The following CTNNA3 variants were observed in gnomAD, a reference collection of about 807,000 sequenced individuals.
CTNNA3 encodes the protein catenin alpha 3.
A neutral mutation model predicts 95.7 loss-of-function variants in CTNNA3; 76 were observed. The observed-to-expected ratio is 0.79, with a 90% CI of 0.66 to 0.96. The LOEUF is 0.96. Ranked by LOEUF, CTNNA3 falls within the 40% of genes least tolerant of loss-of-function variation. The pLI is 0.00. For synonymous variants in CTNNA3, 431 were observed against 374.4 expected (o/e 1.15, Z -1.74); for missense variants, 1,191 against 1,089.8 (o/e 1.09, Z -1.31).
In CTNNA3 at chr10:67,391,196, C is replaced by T. The variant is rs375047631; in HGVS notation, c.579+130646G>A. 2.8e-3 allele frequency among the ~76,000 whole-genome samples: 431 copies of T among 152,208 alleles called. 12 individuals are homozygous for T. The highest frequency in any genetic ancestry group is 0.019 in the Admixed American group (297 of 15,292). ...AAAATCTCCTTAAGCTGATAAGCAA[C>T]TTCAGCAAAGTCTCAGGATACAAAA... On this transcript the variant is annotated intron_variant, in intron 5 of 17. Coordinates refer to ENST00000433211, the MANE Select transcript of CTNNA3 (RefSeq NM_013266.4).
intron 4 of CTNNA3, among the ~76,000 whole-genome samples, chr10:67,526,604 T>C (rs912393915): frequency 6.6e-6 from 1 of 152,200 alleles, no homozygotes; most frequent in Non-Finnish European, 1.5e-5. Context: ...ACTCAGTTGT[T>C]GTGAAATCAG....
chr10:66,274,443 GAAATAAA>G (rs2091349701), intron 13 of CTNNA3, among the ~76,000 whole-genome samples: 1 of 151,948 alleles, frequency 6.6e-6, no homozygotes, highest in African/African-American at 2.4e-5. Context: ...ACATATATGA[GAAATAAA>G]AAATAAAAGA....
chr10:67,234,834 T>G (rs1227857587), intron 5 of CTNNA3, among the ~76,000 whole-genome samples: 1 of 151,200 alleles, frequency 6.6e-6, no homozygotes, highest in South Asian at 2.1e-4. Flanking sequence ...ACAAAATCAA[T>G]GTACAAAAAT....
chr10:66,443,405 C>T (rs1176535925), intron 11 of CTNNA3, among the ~76,000 whole-genome samples: 2 of 152,244 alleles, frequency 1.3e-5, no homozygotes, highest in Middle Eastern at 3.4e-3. Flanking sequence ...GGAGGCGCCC[C>T]CCAGTAGGGG....
chr10:66,818,020 T>C (rs1842157210), intron 7 of CTNNA3, among the ~76,000 whole-genome samples: 1 of 148,532 alleles, frequency 6.7e-6, no homozygotes, highest in South Asian at 2.1e-4. Context: ...ACTATATGAA[T>C]AGAATAATGA....
intron 7 of CTNNA3, among the ~76,000 whole-genome samples, chr10:67,034,394 C>T (rs1486017519): frequency 6.6e-6 from 1 of 152,158 alleles, no homozygotes; most frequent in Non-Finnish European, 1.5e-5. Context: ...TCTGGTTGCC[C>T]TCAAGAAGCT....
At chr10:67,270,339 A>G (rs569375087) in intron 5 of CTNNA3, among the ~76,000 whole-genome samples, 12 of 152,132 alleles carry the variant, frequency 7.9e-5, no homozygotes, top group African/African-American at 1.2e-4. Flanking sequence ...AAAGAAAAAA[A>G]CTTTTCCTTA....
chr10:66,122,091 G>A (rs931471140), intron 13 of CTNNA3, among the ~76,000 whole-genome samples: 1 of 152,040 alleles, frequency 6.6e-6, no homozygotes, highest in Non-Finnish European at 1.5e-5. Flanking sequence ...ATAAAGGCTA[G>A]AATGGAAAAA....
At chr10:66,816,124 G>C (rs1020228813) in intron 7 of CTNNA3, among the ~76,000 whole-genome samples, 25 of 152,048 alleles carry the variant, frequency 1.6e-4, no homozygotes, top group African/African-American at 5.6e-4. Flanking sequence ...CTATTAATTT[G>C]AATTAAATTT....
chr10:67,720,112 T>G (rs189755968), intron 1 of CTNNA3, among the ~76,000 whole-genome samples: 2,559 of 142,234 alleles, frequency 0.018, 53 homozygotes, highest in South Asian at 0.026. Context: ...TATCAGAGAC[T>G]AGGATTGCAA....
At chr10:67,375,066 T>A (rs1339329712) in intron 5 of CTNNA3, among the ~76,000 whole-genome samples, 1 of 152,198 alleles carries the variant, frequency 6.6e-6, no homozygotes, top group African/African-American at 2.4e-5. Context: ...CTATTTATTA[T>A]CCTGCCCAAA....
chr10:66,214,358 T>C (rs2088373353), intron 13 of CTNNA3, among the ~76,000 whole-genome samples: 1 of 152,226 alleles, frequency 6.6e-6, no homozygotes, highest in South Asian at 2.1e-4. Context: ...GCATATATTA[T>C]AATTTTTCAC....
chr10:67,161,338 AAC>A (rs1488670027), intron 7 of CTNNA3, among the ~76,000 whole-genome samples: 11 of 151,868 alleles, frequency 7.2e-5, no homozygotes, highest in Admixed American at 5.2e-4. Context: ...CAAAAATTAA[AAC>A]AGTCTTACGT....
At chr10:66,008,733 T>C (rs1159196876) in intron 15 of CTNNA3, among the ~76,000 whole-genome samples, 1 of 152,230 alleles carries the variant, frequency 6.6e-6, no homozygotes, top group Non-Finnish European at 1.5e-5. Flanking sequence ...TTGCTAATGA[T>C]AATGTCATTA....
At chr10:66,858,694 G>A (rs1210030807) in intron 7 of CTNNA3, among the ~76,000 whole-genome samples, 1 of 151,856 alleles carries the variant, frequency 6.6e-6, no homozygotes. Flanking sequence ...GTTCATAGAG[G>A]TATTTGCAGT....
chr10:67,497,363 T>C (rs1220060430), intron 5 of CTNNA3, among the ~76,000 whole-genome samples: 2 of 152,204 alleles, frequency 1.3e-5, no homozygotes, highest in African/African-American at 2.4e-5. Context: ...TACCAGTCTT[T>C]GCTATTGTGA....
At chr10:67,075,736 A>C (rs58686883) in intron 7 of CTNNA3, among the ~76,000 whole-genome samples, 6,688 of 152,286 alleles carry the variant, frequency 0.044, 461 homozygotes, top group African/African-American at 0.15. Context: ...CACTAAAAGC[A>C]TGCTTCTGGA....
intron 13 of CTNNA3, among the ~76,000 whole-genome samples, chr10:66,257,945 A>G (rs981325757): frequency 6.6e-6 from 1 of 152,188 alleles, no homozygotes; most frequent in Non-Finnish European, 1.5e-5. Flanking sequence ...CTTTTTCTGC[A>G]TTCCTGTACA....
intron 7 of CTNNA3, among the ~76,000 whole-genome samples, chr10:67,110,602 G>C (rs557156335): frequency 6.6e-6 from 1 of 152,090 alleles, no homozygotes; most frequent in Non-Finnish European, 1.5e-5. Context: ...ACAAGCCTTA[G>C]ATGATCTCTA....
Sources: allele counts gnomAD v4.1 joint callset (sites outside exome capture counted in the v4.1 genomes callset), GRCh38; gene constraint gnomAD v4.1.1; transcripts MANE v1.5; gene names NCBI Gene and HGNC (gene_info 2026-07-23, HGNC 2026-07-21).